The following EXOC5 variants were observed in gnomAD, a reference collection of about 807,000 sequenced individuals.
The protein encoded by EXOC5 is SEC10-like 1.
EXOC5 carries 17 observed loss-of-function variants against 90.8 expected under a neutral mutation model. The ratio of observed to expected loss-of-function variants is 0.19; its 90% CI spans 0.13 to 0.28. The LOEUF is 0.28. Among genes scored for constraint, EXOC5 ranks in the 10% least tolerant of loss-of-function variants. The pLI is 1.00. For synonymous variants in EXOC5, 260 were observed against 270.0 expected, an observed-to-expected ratio of 0.96 and a Z score of 0.36; for missense variants, 569 against 830.6, an observed-to-expected ratio of 0.69 and a Z score of 3.87.
chr14:57,238,423 T>C (rs1883749093), intron 5 of EXOC5, among the ~76,000 whole-genome samples: 1 of 149,090 alleles, frequency 6.7e-6, no homozygotes, highest in South Asian at 2.2e-4. Flanking sequence ...TTCATATTCA[T>C]ATATATATGT....
At chr14:57,217,489 T>C (rs1454265888) in intron 15 of EXOC5, among the ~76,000 whole-genome samples, 2 of 152,170 alleles carry the variant, frequency 1.3e-5, no homozygotes, top group Non-Finnish European at 2.9e-5. Flanking sequence ...ATCAGTGATC[T>C]TTGATGTTAC....
rs1882552611 is a variant in EXOC5, at chr14:57,203,140, G to A, written c.*5469C>T. The A allele has an allele frequency of 6.6e-6, 1 of 152,140 alleles. No individual in the cohort carries two copies. Among genetic ancestry groups the A allele is most frequent in the African/African-American group, 2.4e-5 (1 of 41,422 alleles). 9.4% of individuals were successfully genotyped at this position (152,140 alleles called of 1,614,324 possible). A position where few individuals can be genotyped will look rare whatever the true frequency, so the allele number is the denominator to read the frequency against. Reference sequence around the variant, plus strand: ...AAGGTTATTTATTTTTCTAAAAACAGGGACTCACTATGTTGCCCAGAGTGG... The same window carrying A: ...AAGGTTATTTATTTTTCTAAAAACAAGGACTCACTATGTTGCCCAGAGTGG... On this transcript the variant is annotated 3_prime_UTR_variant, in exon 18 of 18. Transcript: ENST00000621441.
At position 57,201,213 on chromosome 14, in the gene EXOC5, T is replaced by C. The variant is rs928443592; in HGVS notation, c.*7396A>G. 1.3e-5 allele frequency: 2 copies of C among 152,034 alleles called. No individual in the cohort carries two copies. Among genetic ancestry groups the C allele is most frequent in the South Asian group, 2.1e-4 (1 of 4,828 alleles). The allele number at this position is 152,034 out of a possible 1,614,324, so 9.4% of individuals were successfully genotyped here. On this transcript the variant is annotated 3_prime_UTR_variant, in exon 18 of 18. Transcript: ENST00000621441. ...GATTCCAGAGCTGGGGCAAGGCAAG[T>C]ACAAGATGACCTTGGAAAATCCTGT...
chr14:57,212,410 A>G (rs1882856860), intron 15 of EXOC5, among the ~76,000 whole-genome samples: 2 of 152,226 alleles, frequency 1.3e-5, no homozygotes, highest in South Asian at 4.1e-4. Flanking sequence ...GGTGGACCCA[A>G]CAAGAAATTC....
chr14:57,209,637 T>C lies in EXOC5; in HGVS notation c.1868A>G (p.Tyr623Cys), dbSNP rs1882765521. ...LIYEHLQQYS[Y>C]SCMGGMLAIC... Reference sequence around the variant, plus strand: ...GGCCAACATGCCACCCATACAACTGTAGGAATATTGTTGAAGATGCTCATA... The same window carrying C: ...GGCCAACATGCCACCCATACAACTGCAGGAATATTGTTGAAGATGCTCATA... The change falls in exon 17 of 18, where the codon TAC becomes TGC. Residue 623 changes from tyrosine (Y) to cysteine (C), a missense_variant. Transcript: ENST00000621441. 6.2e-7 allele frequency: 1 copy of C among 1,613,504 alleles called. No individual in the cohort carries two copies. The highest frequency in any genetic ancestry group is 1.1e-5 in the South Asian group (1 of 91,056).
intron 6 of EXOC5, among the ~76,000 whole-genome samples, chr14:57,236,991 T>C (rs1390847497): frequency 6.6e-6 from 1 of 151,968 alleles, no homozygotes; most frequent in Non-Finnish European, 1.5e-5. Context: ...AAATTAAAAA[T>C]GCAAGGTATA....
Position 57,268,758 on chromosome 14 carries a change from G to A in EXOC5, c.-110C>T, listed in dbSNP as rs931134681. The A allele has an allele frequency of 8.2e-6, 12 of 1,463,674 alleles. No individual in the cohort carries two copies. The African/African-American group carries it at 8.7e-5, about 11-fold the overall frequency. 90.7% of individuals were successfully genotyped at this position (1,463,674 alleles called of 1,614,324 possible). ...CGCTCGGCTCGCCAGCTCCGGCTCC[G>A]GGCCGCTGCGGGCTCCCCAGCTCCC... is the stretch of plus-strand genomic sequence containing the variant. On this transcript the variant is annotated 5_prime_UTR_variant, in exon 1 of 18. Transcript: ENST00000621441.
chr14:57,234,050 A>G lies in EXOC5; in HGVS notation c.670-18T>C, dbSNP rs150061041. 1.6e-5 allele frequency: 25 copies of G among 1,524,710 alleles called. No homozygotes were observed. In the African/African-American group the frequency reaches 2.9e-4, roughly 17 times the overall value. 94.4% of individuals were successfully genotyped at this position (1,524,710 alleles called of 1,614,324 possible). On this transcript the variant is annotated intron_variant, in intron 7 of 17. Coordinates refer to ENST00000621441, the MANE Select transcript of EXOC5 (RefSeq NM_006544.4). Reference sequence around the variant, plus strand: ...GAATAACCCTACAAGGAAGAAACACATTGTTATTATTCTGATTCAATTATA... The same window carrying G: ...GAATAACCCTACAAGGAAGAAACACGTTGTTATTATTCTGATTCAATTATA...
At chr14:57,222,194 C>T (rs560648302) in intron 13 of EXOC5, 114 bp downstream of exon 13, 4 of 549,426 alleles carry the variant, frequency 7.3e-6, no homozygotes, top group Admixed American at 7.1e-5. Flanking sequence ...AACTTCATTG[C>T]ACCGAACTGA....
In EXOC5 at chr14:57,201,533, CCA is replaced by C. The variant is rs1566720569; in HGVS notation, c.*7074_*7075del. 6.0e-5 allele frequency: 8 copies of C among 134,086 alleles called. No individual in the cohort carries two copies. Among genetic ancestry groups the C allele is most frequent in the African/African-American group, 2.6e-4 (8 of 30,464 alleles). The allele number at this position is 134,086 out of a possible 1,614,324, so 8.3% of individuals were successfully genotyped here. ...ACATATGTATATATATACACACACA[CCA>C]CACATATACATATATTTTTATATAT... is the stretch of plus-strand genomic sequence containing the variant. On this transcript the variant is annotated 3_prime_UTR_variant, in exon 18 of 18. Coordinates refer to ENST00000621441, the MANE Select transcript of EXOC5 (RefSeq NM_006544.4).
Position 57,205,748 on chromosome 14 carries a change from G to A in EXOC5, c.*2861C>T. The A allele has an allele frequency of 2.6e-6, 1 of 390,822 alleles. No individual in the cohort carries two copies. Among genetic ancestry groups the A allele is most frequent in the Non-Finnish European group, 4.9e-6 (1 of 203,694 alleles). The allele number at this position is 390,822 out of a possible 1,614,324, so 24.2% of individuals were successfully genotyped here. On this transcript the variant is annotated 3_prime_UTR_variant, in exon 18 of 18. Transcript: ENST00000621441. ...CAAAATATTTAGAAGTGAAAGAGGG[G>A]GGAAAAAAGAATGATCTACAATGTA...
rs1318734127 is a variant in EXOC5, at chr14:57,235,721, A to G, written c.659T>C (p.Leu220Pro). 1 of 1,509,622 alleles carries G rather than the reference A, an allele frequency of 6.6e-7. No homozygotes were observed. Among genetic ancestry groups the G allele is most frequent in the Admixed American group, 2.0e-5 (1 of 51,198 alleles). 93.5% of individuals were successfully genotyped at this position (1,509,622 alleles called of 1,614,324 possible). A position where few individuals can be genotyped will look rare whatever the true frequency, so the allele number is the denominator to read the frequency against. ...SRMREVAAVL[L>P]HFKGYSHCVD... ...ATTCCTACTATTTACCTTAAAATGA[A>G]GTAAAACTGCTGCTACTTCTCTCAT... Residue 220 changes from leucine to proline, a missense_variant, in exon 7 of 18, where the codon CTT becomes CCT. Transcript: ENST00000621441.
intron 4 of EXOC5, among the ~76,000 whole-genome samples, chr14:57,242,064 C>T (rs373559951): frequency 2.1e-5 from 3 of 141,564 alleles, no homozygotes; most frequent in East Asian, 4.6e-4. Context: ...ACCCAGGAGG[C>T]GGAGGTTGCA....
intron 1 of EXOC5, among the ~76,000 whole-genome samples, chr14:57,262,578 GTA>G (rs988481938): frequency 3.5e-5 from 5 of 141,048 alleles, no homozygotes; most frequent in Admixed American, 7.2e-5. Context: ...ATATATATAC[GTA>G]TATATATACA....
intron 1 of EXOC5, among the ~76,000 whole-genome samples, chr14:57,266,653 C>T (rs1388955552): frequency 6.6e-6 from 1 of 151,190 alleles, no homozygotes; most frequent in African/African-American, 2.4e-5. Flanking sequence ...TACTGGCTAC[C>T]ATGTAACTAG....
At position 57,233,623 on chromosome 14, in the gene EXOC5, A is replaced by T. The variant is rs1045471996; in HGVS notation, c.855+120T>A. 6.1e-4 allele frequency: 384 copies of T among 627,052 alleles called. 2 individuals carry two copies. The highest frequency in any genetic ancestry group is 7.3e-4 in the Non-Finnish European group (265 of 363,646). The allele number at this position is 627,052 out of a possible 1,614,324, so 38.8% of individuals were successfully genotyped here. Reference sequence around the variant, plus strand: ...CATGAGGATTCCTTTCTCCTTAACTAGATTACTATTTCTAAGGTCATTACA... The same window carrying T: ...CATGAGGATTCCTTTCTCCTTAACTTGATTACTATTTCTAAGGTCATTACA... On this transcript the variant is annotated intron_variant, in intron 9 of 17. Transcript: ENST00000621441.
chr14:57,259,379 G>T (rs1347133797), intron 1 of EXOC5, among the ~76,000 whole-genome samples: 4 of 152,228 alleles, frequency 2.6e-5, no homozygotes, highest in Admixed American at 2.6e-4. Context: ...GATTACAGGT[G>T]TGAGTCACCA....
intron 1 of EXOC5, among the ~76,000 whole-genome samples, chr14:57,264,766 C>A (rs1884620885): frequency 6.6e-6 from 1 of 152,194 alleles, no homozygotes; most frequent in East Asian, 1.9e-4. Flanking sequence ...ACCTTCTAAT[C>A]CTTTCTTTCT....
intron 1 of EXOC5, among the ~76,000 whole-genome samples, chr14:57,257,291 G>C (rs1476900926): frequency 6.6e-6 from 1 of 152,208 alleles, no homozygotes; most frequent in Admixed American, 6.5e-5. Flanking sequence ...AGGGAGCAGT[G>C]AAACAAGAGT....
Sources: gnomAD v4.1 joint callset for allele counts (sites outside exome capture counted in the v4.1 genomes callset) on GRCh38, gnomAD v4.1.1 for gene constraint, MANE v1.5 for transcripts, NCBI Gene and HGNC (gene_info 2026-07-23, HGNC 2026-07-21) for gene names.